GPRC5B: variants seen among roughly 807,000 people sequenced by gnomAD.
GPRC5B encodes the protein G protein-coupled receptor family C group 5 member B.
In GPRC5B, 16 loss-of-function variants were observed where a neutral mutation model predicts 30.1. The ratio of observed to expected loss-of-function variants is 0.53; its 90% CI spans 0.36 to 0.81. The LOEUF is 0.81. Ranked by LOEUF, GPRC5B falls within the 30% of genes least tolerant of loss-of-function variation. The pLI, the probability that GPRC5B is intolerant of heterozygous loss-of-function variation, is 0.01. For missense variants in GPRC5B, 428 were observed against 544.7 expected (o/e 0.79, Z 2.13); for synonymous variants, 241 against 239.5 (o/e 1.01, Z -0.06).
intron 2 of GPRC5B, among the ~76,000 whole-genome samples, chr16:19,865,795 A>T (rs565628177): frequency 6.6e-6 from 1 of 152,338 alleles, no homozygotes; most frequent in East Asian, 1.9e-4. Flanking sequence ...ACATTGATTT[A>T]AAGCAAGCAC....
In GPRC5B at chr16:19,866,588, C is replaced by T. The variant is rs942509502; in HGVS notation, c.1031-4615G>A. On this transcript the variant is annotated intron_variant, in intron 2 of 3. Coordinates refer to ENST00000300571, the MANE Select transcript of GPRC5B (RefSeq NM_016235.3). ...GAGACAGGGGTGTCGCCACGTTGCC[C>T]AGGTTGGTCTCCAACTTTTGAGCTC... Among the ~76,000 whole-genome samples the T allele has an allele frequency of 2.0e-5, 3 of 151,284 alleles. No homozygotes were observed. The East Asian group carries it at 5.9e-4, about 30-fold the overall frequency.
chr16:19,872,120 G>A lies in GPRC5B; in HGVS notation c.726C>T (p.Leu242=). ...NGAFLLITAF[L]SVLIWVAWMT... ...TCCAGGCCACCCAGATGAGCACAGA[G>A]AGGAAGGCTGTGATGAGGAGGAAGG... Residue 242 remains leucine, a synonymous_variant, in exon 2 of 4, where the codon CTC becomes CTT. Coordinates refer to ENST00000300571, the MANE Select transcript of GPRC5B (RefSeq NM_016235.3). The surrounding 1 kb of genome is among the most constrained non-coding windows in gnomAD (Gnocchi z 5.0). 3 of 1,614,140 alleles carry A rather than the reference G, an allele frequency of 1.9e-6. No individual in the cohort carries two copies. The highest frequency in any genetic ancestry group is 2.5e-6 in the Non-Finnish European group (3 of 1,180,008).
rs184221789 is a variant in GPRC5B, at chr16:19,875,061, T to G, written c.-1-2215A>C. On this transcript the variant is annotated intron_variant, in intron 1 of 3. Transcript: ENST00000300571. ...CGTCCCTGGGGCTTCCCTAAGTAAATGCGGTATCGACCACCTCACTGTTAC... is the reference window on the plus strand; with the variant it reads ...CGTCCCTGGGGCTTCCCTAAGTAAAGGCGGTATCGACCACCTCACTGTTAC... 2.0e-5 allele frequency among the ~76,000 whole-genome samples: 3 copies of G among 152,188 alleles called. No individual in the cohort carries two copies. In the East Asian group the frequency reaches 5.8e-4, roughly 29 times the overall value.
chr16:19,871,730 C>G (rs1055742128), intron 2 of GPRC5B, 86 bp downstream of exon 2: 11 of 1,231,452 alleles, frequency 8.9e-6, no homozygotes, highest in Middle Eastern at 4.2e-4. Context: ...GTACTGGGAC[C>G]GCCCATCCCC....
In GPRC5B at chr16:19,859,215, A is replaced by G. The variant is rs1156607530; in HGVS notation, c.*1285T>C. 2.0e-5 allele frequency: 3 copies of G among 152,688 alleles called. No individual in the cohort carries two copies. Among genetic ancestry groups the G allele is most frequent in the African/African-American group, 4.8e-5 (2 of 41,452 alleles). The allele number at this position is 152,688 out of a possible 1,614,324, so 9.5% of individuals were successfully genotyped here. On this transcript the variant is annotated 3_prime_UTR_variant, in exon 4 of 4. Coordinates refer to ENST00000300571, the MANE Select transcript of GPRC5B (RefSeq NM_016235.3). ...CTGCTTTGAATCGATGCTAGAGGTT[A>G]TGCTGGCCAAACAGTGCAGAGAACA... is the stretch of plus-strand genomic sequence containing the variant.
intron 1 of GPRC5B, among the ~76,000 whole-genome samples, chr16:19,883,311 C>T (rs193156181): frequency 2.0e-5 from 3 of 152,316 alleles, no homozygotes; most frequent in Admixed American, 2.0e-4. Context: ...CTTCCCTTCC[C>T]AACTCAGCTG....
chr16:19,872,269 A>G lies in GPRC5B; in HGVS notation c.577T>C (p.Cys193Arg). 6.2e-7 allele frequency: 1 copy of G among 1,614,068 alleles called. No homozygotes were observed. The highest frequency in any genetic ancestry group is 8.5e-7 in the Non-Finnish European group (1 of 1,179,990). Residue 193 changes from cysteine (C) to arginine (R), a missense_variant, in exon 2 of 4, where the codon TGC becomes CGC. Physicochemically the swap from Cys to Arg is radical, Grantham distance 180 (BLOSUM62 -3). Coordinates refer to ENST00000300571, the MANE Select transcript of GPRC5B (RefSeq NM_016235.3). The surrounding 1 kb of genome is among the most constrained non-coding windows in gnomAD (Gnocchi z 5.0). ...LTVLRDTRPACAYEPMDFVMA... is the reference protein window; with the variant it reads ...LTVLRDTRPARAYEPMDFVMA... ...ACAAAGTCCATGGGCTCGTAGGCGC[A>G]GGCTGGCCTTGTGTCACGCAGCACG...
chr16:19,866,680 CTAT>C (rs1444470991), intron 2 of GPRC5B, among the ~76,000 whole-genome samples: 2 of 152,144 alleles, frequency 1.3e-5, no homozygotes, highest in Non-Finnish European at 2.9e-5. Context: ...GCGCACCTGG[CTAT>C]TATTTTTACT....
At position 19,858,301 on chromosome 16, in the gene GPRC5B, C is replaced by T; in HGVS notation, c.*2199G>A. On this transcript the variant is annotated 3_prime_UTR_variant, in exon 4 of 4. Transcript: ENST00000300571. Reference sequence around the variant, plus strand: ...CCAAAATAAAACAAAACCCTAAGTGCGATAACATATCAGATTTAAAAGGGG... The same window carrying T: ...CCAAAATAAAACAAAACCCTAAGTGTGATAACATATCAGATTTAAAAGGGG... 2.3e-6 allele frequency: 1 copy of T among 441,370 alleles called. No homozygotes were observed. Among genetic ancestry groups the T allele is most frequent in the Non-Finnish European group, 4.0e-6 (1 of 250,214 alleles). The allele number at this position is 441,370 out of a possible 1,614,324, so 27.3% of individuals were successfully genotyped here. A position where few individuals can be genotyped will look rare whatever the true frequency, so the allele number is the denominator to read the frequency against.
chr16:19,879,352 G>T (rs1025414391), intron 1 of GPRC5B, among the ~76,000 whole-genome samples: 3 of 152,140 alleles, frequency 2.0e-5, no homozygotes, highest in Non-Finnish European at 4.4e-5. Flanking sequence ...TTTGCTGCCA[G>T]CCAGGCTCCT....
In GPRC5B at chr16:19,857,669, G is replaced by A. The variant is rs1177956534; in HGVS notation, c.*2831C>T. On this transcript the variant is annotated 3_prime_UTR_variant, in exon 4 of 4. Transcript: ENST00000300571. ...TTCAACTTGGGGTTTGGCCTGAGGC[G>A]TTCAACTCAGCCTTGGCCAACCGAG... is the stretch of plus-strand genomic sequence containing the variant. 3.4e-5 allele frequency: 8 copies of A among 232,962 alleles called. No individual in the cohort carries two copies. Among genetic ancestry groups the A allele is most frequent in the East Asian group, 1.5e-4 (1 of 6,772 alleles). The allele number at this position is 232,962 out of a possible 1,614,324, so 14.4% of individuals were successfully genotyped here.
upstream of GPRC5B, chr16:19,885,203 C>T (rs1292455727): frequency 7.8e-7 from 1 of 1,288,292 alleles, no homozygotes; most frequent in Non-Finnish European, 1.0e-6. This position sits in a 1 kb window ranked among gnomAD's most constrained non-coding sequence, Gnocchi z 5.3. Context: ...ATACACTTAC[C>T]GAGGGAGGTA....
chr16:19,874,992 C>T (rs2056750068), intron 1 of GPRC5B, among the ~76,000 whole-genome samples: 1 of 152,046 alleles, frequency 6.6e-6, no homozygotes, highest in South Asian at 2.1e-4. Context: ...CCAGCTCAAC[C>T]CACGTGTGGG....
chr16:19,885,483 G>C, upstream of GPRC5B: 1 of 1,139,076 alleles, frequency 8.8e-7, no homozygotes, highest in Non-Finnish European at 1.1e-6. This position sits in a 1 kb window ranked among gnomAD's most constrained non-coding sequence, Gnocchi z 5.3. Context: ...GTCCGTTTAC[G>C]CACACTGGGA....
intron 3 of GPRC5B, 48 bp downstream of exon 3, chr16:19,861,789 C>T (rs562433136): frequency 6.4e-7 from 1 of 1,569,072 alleles, no homozygotes; most frequent in South Asian, 1.1e-5. Context: ...CTCCCCGACA[C>T]CGTAGACTCC....
In GPRC5B at chr16:19,856,697, G is replaced by T; in HGVS notation, c.*3803C>A. ...TTTTCTGTACAAGATAGGATTCATT[G>T]CAAACAAGCTTTAATGCAAATAGTT... On this transcript the variant is annotated 3_prime_UTR_variant, in exon 4 of 4. Coordinates refer to ENST00000300571, the MANE Select transcript of GPRC5B (RefSeq NM_016235.3). 1 of 625,236 alleles carries T rather than the reference G, an allele frequency of 1.6e-6. No homozygotes were observed. The allele number at this position is 625,236 out of a possible 1,614,324, so 38.7% of individuals were successfully genotyped here. A position where few individuals can be genotyped will look rare whatever the true frequency, so the allele number is the denominator to read the frequency against.
intron 1 of GPRC5B, among the ~76,000 whole-genome samples, chr16:19,875,811 G>A (rs932003126): frequency 1.3e-5 from 2 of 151,948 alleles, no homozygotes; most frequent in African/African-American, 2.4e-5. Flanking sequence ...AAATAAAATC[G>A]CTCGTTGATG....
upstream of GPRC5B, chr16:19,885,308 C>T: frequency 1.6e-6 from 2 of 1,253,272 alleles, no homozygotes; most frequent in Non-Finnish European, 2.1e-6. This position sits in a 1 kb window ranked among gnomAD's most constrained non-coding sequence, Gnocchi z 5.3. Context: ...AACACACCAG[C>T]ACCAGGTCCA....
intron 1 of GPRC5B, among the ~76,000 whole-genome samples, chr16:19,877,756 C>A (rs1463689509): frequency 6.6e-6 from 1 of 152,222 alleles, no homozygotes; most frequent in Non-Finnish European, 1.5e-5. Context: ...GGGAAGACAG[C>A]AGGCTTGTCC....
Sources: allele counts gnomAD v4.1 joint callset (sites outside exome capture counted in the v4.1 genomes callset), GRCh38; gene constraint gnomAD v4.1.1; non-coding constraint Gnocchi (gnomAD v3.1); transcripts MANE v1.5; gene names NCBI Gene and HGNC (gene_info 2026-07-23, HGNC 2026-07-21).